Variants in KIFAP3 observed in about 807,000 individuals in gnomAD.
The protein encoded by KIFAP3 is kinesin associated protein 3, also known as kinesin-associated protein 3.
KIFAP3 carries 68 observed loss-of-function variants against 106.5 expected under a neutral mutation model. The observed-to-expected ratio is 0.64, with a 90% confidence interval of 0.53 to 0.78. The LOEUF is 0.78. Among genes scored for constraint, KIFAP3 ranks in the 30% least tolerant of loss-of-function variants. KIFAP3 has a pLI of 0.00. For synonymous variants in KIFAP3, 320 were observed against 311.5 expected, an observed-to-expected ratio of 1.03 and a Z score of -0.29; for missense variants, 780 against 941.8, an observed-to-expected ratio of 0.83 and a Z score of 2.25.
intron 3 of KIFAP3, among the ~76,000 whole-genome samples, chr1:170,043,300 T>C (rs1281084906): frequency 6.6e-6 from 1 of 152,210 alleles, no homozygotes; most frequent in Non-Finnish European, 1.5e-5. Context: ...TGCTCACTAT[T>C]AAACAATTGC....
intron 4 of KIFAP3, 49 bp downstream of exon 4, chr1:170,039,184 A>G (rs752399143): frequency 2.5e-5 from 27 of 1,089,440 alleles, no homozygotes; most frequent in East Asian, 9.6e-5. Context: ...GAAAAAGGCA[A>G]TATCTTATAA....
At chr1:170,079,394 A>T (rs1246346829), upstream of KIFAP3, among the ~76,000 whole-genome samples, 1 of 152,240 alleles carries the variant, frequency 6.6e-6, no homozygotes, top group African/African-American at 2.4e-5. Flanking sequence ...TATAAATTAC[A>T]TAATCTCAGG....
At chr1:170,062,215 CAAAAAAAAAAAA>C (rs112112967) in intron 1 of KIFAP3, among the ~76,000 whole-genome samples, 1 of 85,296 alleles carries the variant, frequency 1.2e-5, no homozygotes, top group East Asian at 2.9e-4. Context: ...GAGATACCAT[CAAAAAAAAAAAA>C]AAGAAAAAGA....
intron 8 of KIFAP3, among the ~76,000 whole-genome samples, chr1:170,030,370 C>T (rs1472953294): frequency 1.3e-5 from 2 of 151,866 alleles, no homozygotes; most frequent in Non-Finnish European, 3.0e-5. Context: ...AAACCACATA[C>T]ATTCATGGTG....
intron 15 of KIFAP3, among the ~76,000 whole-genome samples, chr1:169,978,402 A>C (rs1000369433): frequency 6.6e-6 from 1 of 151,992 alleles, no homozygotes; most frequent in Non-Finnish European, 1.5e-5. Context: ...TAATTTGTAA[A>C]ATAAACCTGG....
intron 19 of KIFAP3, among the ~76,000 whole-genome samples, chr1:169,938,698 A>C (rs1216199452): frequency 1.3e-5 from 2 of 152,180 alleles, no homozygotes; most frequent in Admixed American, 1.3e-4. Flanking sequence ...AGGAGGGAGA[A>C]TAAACAAGTG....
At chr1:170,027,239 C>T (rs1669162800) in intron 8 of KIFAP3, among the ~76,000 whole-genome samples, 1 of 151,890 alleles carries the variant, frequency 6.6e-6, no homozygotes, top group African/African-American at 2.4e-5. Context: ...AGGCTGGTCT[C>T]GAACTCCTGA....
At chr1:169,978,215 T>C (rs1277627227) in intron 15 of KIFAP3, 32 bp from the exon 16 acceptor site, 8 of 1,368,462 alleles carry the variant, frequency 5.8e-6, no homozygotes, top group Middle Eastern at 1.9e-4. Context: ...AAATAAAGAA[T>C]ACTATGTTTA....
At chr1:170,084,988 AT>A (rs1229827110) in intron 1 of KIFAP3, 1 of 152,198 alleles carries the variant, frequency 6.6e-6, no homozygotes, top group Non-Finnish European at 1.5e-5. Context: ...TTGTTTATAC[AT>A]TTCAATCCTG....
chr1:170,082,186 A>G (rs1672030076), intron 1 of KIFAP3, among the ~76,000 whole-genome samples: 1 of 152,186 alleles, frequency 6.6e-6, no homozygotes, highest in Admixed American at 6.5e-5. Flanking sequence ...AAACAACCCA[A>G]ATGTCTATTA....
rs1669643508 is a variant in KIFAP3, at chr1:170,035,547, G to C, written c.524C>G (p.Ala175Gly). 1.3e-6 allele frequency: 2 copies of C among 1,597,562 alleles called. No homozygotes were observed. Among genetic ancestry groups the C allele is most frequent in the African/African-American group, 2.7e-5 (2 of 74,086 alleles). ...NLEELLLNET[A>G]LGALARVLRE... ...CAGGACCCTTGCTAATGCACCAAGG[G>C]CAGTTTCTAAAGAAAAAGGAGAGGT... Residue 175 changes from alanine (A) to glycine (G), a missense_variant, in exon 6 of 20, where the codon GCC (alanine) becomes GGC (glycine). Ala to Gly is a moderately conservative substitution (Grantham distance 60). Coordinates refer to ENST00000361580, the MANE Select transcript of KIFAP3 (RefSeq NM_014970.4).
chr1:170,059,025 T>A (rs1670996097), intron 1 of KIFAP3, among the ~76,000 whole-genome samples: 1 of 152,154 alleles, frequency 6.6e-6, no homozygotes. Context: ...AAGCAGCATG[T>A]AGAGGGAAAT....
chr1:169,928,252 ACCACAC>A (rs745770099), intron 19 of KIFAP3, among the ~76,000 whole-genome samples: 2 of 151,954 alleles, frequency 1.3e-5, no homozygotes, highest in Non-Finnish European at 2.9e-5. Flanking sequence ...GGTGTGTGCC[ACCACAC>A]CCAGCTAATT....
chr1:170,047,307 T>C (rs1362316294), intron 2 of KIFAP3, among the ~76,000 whole-genome samples: 6 of 151,694 alleles, frequency 4.0e-5, no homozygotes, highest in African/African-American at 7.3e-5. Flanking sequence ...GGTAACTATA[T>C]AGAAGGTAAA....
At chr1:170,058,216 A>T (rs989448444) in intron 1 of KIFAP3, among the ~76,000 whole-genome samples, 3 of 152,208 alleles carry the variant, frequency 2.0e-5, no homozygotes, top group African/African-American at 7.2e-5. Flanking sequence ...AGAAACCAAA[A>T]ATGCAGTCCT....
intron 2 of KIFAP3, among the ~76,000 whole-genome samples, chr1:170,050,638 G>A (rs548545916): frequency 1.2e-4 from 18 of 152,256 alleles, no homozygotes; most frequent in African/African-American, 2.2e-4. Context: ...GACTAACAGC[G>A]GATCTCTCTG....
intron 19 of KIFAP3, among the ~76,000 whole-genome samples, chr1:169,924,430 C>A (rs949777082): frequency 2.0e-5 from 3 of 152,158 alleles, no homozygotes; most frequent in Non-Finnish European, 2.9e-5. Flanking sequence ...CTAAAATGAT[C>A]TTTTCTGGAA....
intron 17 of KIFAP3, among the ~76,000 whole-genome samples, chr1:169,963,022 A>T (rs1362737080): frequency 2.0e-5 from 3 of 152,142 alleles, no homozygotes; most frequent in Non-Finnish European, 4.4e-5. Context: ...ACTGTGTGTC[A>T]TGGGGGTTTG....
intron 1 of KIFAP3, chr1:170,068,938 T>A (rs1189434392): frequency 2.0e-5 from 3 of 152,002 alleles, no homozygotes; most frequent in Non-Finnish European, 4.4e-5. Context: ...AAACCAAAGG[T>A]TAGTTCTTTG....
Sources: allele counts gnomAD v4.1 joint callset (sites outside exome capture counted in the v4.1 genomes callset), GRCh38; gene constraint gnomAD v4.1.1; transcripts MANE v1.5; gene names NCBI Gene and HGNC (gene_info 2026-07-23, HGNC 2026-07-21).